IL1RAPL2: variants seen among roughly 807,000 people sequenced by gnomAD.
The protein encoded by IL1RAPL2 is interleukin 1 receptor accessory protein like 2, also known as X-linked interleukin-1 receptor accessory protein-like 2.
A neutral mutation model predicts 44.1 loss-of-function variants in IL1RAPL2; 3 were observed. The observed-to-expected ratio is 0.07, with a 90% CI of 0.03 to 0.18. The LOEUF is 0.18. IL1RAPL2 is among the 10% of genes least tolerant of loss of function. The pLI, the probability that IL1RAPL2 is intolerant of heterozygous loss-of-function variation, is 1.00. For synonymous variants in IL1RAPL2, 181 were observed against 178.8 expected, an observed-to-expected ratio of 1.01 and a Z score of -0.10; for missense variants, 391 against 496.4, an observed-to-expected ratio of 0.79 and a Z score of 2.02.
intron 6 of IL1RAPL2, among the ~76,000 whole-genome samples, chrX:105,679,376 C>A (rs2037902827): frequency 8.9e-6 from 1 of 111,886 alleles, no homozygotes; most frequent in Admixed American, 9.5e-5. Flanking sequence ...AAGGTAAAAT[C>A]ATGACTTTCA....
intron 6 of IL1RAPL2, among the ~76,000 whole-genome samples, chrX:105,503,823 G>A (rs2036412762): frequency 8.9e-6 from 1 of 111,762 alleles, no homozygotes; most frequent in African/African-American, 3.2e-5. Context: ...TGCCTTGACT[G>A]GTAGATGCAT....
chrX:105,541,919 G>C (rs1164532354), intron 6 of IL1RAPL2, among the ~76,000 whole-genome samples: 11 of 111,054 alleles, frequency 9.9e-5, no homozygotes, highest in African/African-American at 3.6e-4. Flanking sequence ...CCCACACCAG[G>C]AAATTTAACC....
intron 2 of IL1RAPL2, among the ~76,000 whole-genome samples, chrX:105,181,751 A>T (rs1483959268): frequency 1.8e-5 from 2 of 111,184 alleles, no homozygotes; most frequent in African/African-American, 6.5e-5. Flanking sequence ...ATCCTGGAGA[A>T]TTTTCAATGT....
chrX:104,760,954 G>A (rs1932417157), intron 2 of IL1RAPL2, among the ~76,000 whole-genome samples: 1 of 111,430 alleles, frequency 9.0e-6, no homozygotes, highest in African/African-American at 3.3e-5. Context: ...TTTGATTTTT[G>A]TATACAGTGA....
intron 6 of IL1RAPL2, among the ~76,000 whole-genome samples, chrX:105,575,226 A>G (rs1168130265): frequency 1.8e-5 from 2 of 110,718 alleles, no homozygotes; most frequent in East Asian, 2.8e-4. Flanking sequence ...GGTTTGTTAT[A>G]TAGGTAAACT....
chrX:105,380,708 A>G (rs948857111), intron 5 of IL1RAPL2, among the ~76,000 whole-genome samples: 1 of 111,971 alleles, frequency 8.9e-6, no homozygotes, highest in African/African-American at 3.2e-5. Flanking sequence ...AGTGAAAGAG[A>G]GAAAACACTG....
intron 5 of IL1RAPL2, among the ~76,000 whole-genome samples, chrX:105,307,577 T>C (rs865949240): frequency 2.0e-5 from 1 of 49,102 alleles, no homozygotes; most frequent in African/African-American, 1.3e-4. Flanking sequence ...ATATTATATA[T>C]AATATATATT....
At chrX:105,133,956 A>T (rs1017543204) in intron 2 of IL1RAPL2, among the ~76,000 whole-genome samples, 1 of 111,926 alleles carries the variant, frequency 8.9e-6, no homozygotes, top group Non-Finnish European at 1.9e-5. Context: ...ATACCATCAC[A>T]GAAAGACCTG....
At chrX:105,681,906 A>C (rs748161247) in intron 6 of IL1RAPL2, among the ~76,000 whole-genome samples, 1 of 111,796 alleles carries the variant, frequency 8.9e-6, no homozygotes, top group Non-Finnish European at 1.9e-5. Context: ...TTAATGACGA[A>C]GCACTGAGGA....
At chrX:104,763,056 C>T (rs1408134246) in intron 2 of IL1RAPL2, among the ~76,000 whole-genome samples, 2 of 112,348 alleles carry the variant, frequency 1.8e-5, no homozygotes, top group Admixed American at 1.9e-4. Context: ...TTTTCTCCTG[C>T]ATTATCAGGC....
At chrX:105,010,733 T>TA (rs1228611373) in intron 2 of IL1RAPL2, among the ~76,000 whole-genome samples, 1 of 111,425 alleles carries the variant, frequency 9.0e-6, no homozygotes, top group African/African-American at 3.2e-5. Flanking sequence ...AAAGGTGAGC[T>TA]AAAAAGAAAT....
intron 10 of IL1RAPL2, chrX:105,765,340 A>G (rs1325470447): frequency 3.6e-5 from 4 of 112,178 alleles, no homozygotes; most frequent in Admixed American, 2.8e-4. Context: ...CTGTTTCACC[A>G]GTTCTCTAAG....
rs769524094 is a variant in IL1RAPL2, at chrX:105,423,881, A to G, written c.698-60432A>G. 1.5e-4 allele frequency among the ~76,000 whole-genome samples: 16 copies of G among 109,472 alleles called. No individual in the cohort carries two copies. The South Asian group carries it at 3.9e-3, about 26-fold the overall frequency. On this transcript the variant is annotated intron_variant, in intron 5 of 10. Coordinates refer to ENST00000372582, the MANE Select transcript of IL1RAPL2 (RefSeq NM_017416.2). ...TTGGAAACAAGTAAAAAAAAAAAAA[A>G]GGGTGTTGACAGCAAAATAAACTTT...
chrX:104,956,461 AGTGTGT>A (rs59541869), intron 2 of IL1RAPL2, among the ~76,000 whole-genome samples: 3 of 84,086 alleles, frequency 3.6e-5, no homozygotes, highest in Admixed American at 1.4e-4. Flanking sequence ...GTCTCTACTA[AGTGTGT>A]GTGTGTGTGT....
At chrX:104,931,737 AAG>A (rs1454691427) in intron 2 of IL1RAPL2, among the ~76,000 whole-genome samples, 1 of 111,462 alleles carries the variant, frequency 9.0e-6, no homozygotes, top group African/African-American at 3.3e-5. Flanking sequence ...AATAAATTAA[AAG>A]AACTTTTTTA....
chrX:105,463,725 G>A (rs976731278), intron 5 of IL1RAPL2, among the ~76,000 whole-genome samples: 3 of 111,907 alleles, frequency 2.7e-5, no homozygotes, highest in African/African-American at 9.7e-5. Context: ...TCACTTATGT[G>A]TACAGAGTAA....
At chrX:104,581,553 A>G (rs777524619) in intron 1 of IL1RAPL2, among the ~76,000 whole-genome samples, 31 of 111,651 alleles carry the variant, frequency 2.8e-4, no homozygotes, top group Admixed American at 3.8e-4. Context: ...GCCTATGTCT[A>G]TGGAGCAAGG....
At chrX:105,608,485 T>A (rs777730639) in intron 6 of IL1RAPL2, among the ~76,000 whole-genome samples, 2 of 112,208 alleles carry the variant, frequency 1.8e-5, no homozygotes, top group African/African-American at 6.5e-5. Context: ...AGAAATTAAA[T>A]ATTTTATCCA....
chrX:104,673,916 T>G (rs1251624147), intron 2 of IL1RAPL2, among the ~76,000 whole-genome samples: 1 of 110,417 alleles, frequency 9.1e-6, no homozygotes, highest in East Asian at 2.8e-4. Flanking sequence ...TATTGGTGTA[T>G]AAGAATGCTT....
Sources: allele counts gnomAD v4.1 joint callset (sites outside exome capture counted in the v4.1 genomes callset), GRCh38; gene constraint gnomAD v4.1.1; transcripts MANE v1.5; gene names NCBI Gene and HGNC (gene_info 2026-07-23, HGNC 2026-07-21).